KAZN: variants seen among roughly 807,000 people sequenced by gnomAD.
KAZN encodes the protein kazrin.
Under a neutral mutation model 87.4 loss-of-function variants are expected in KAZN, and 40 were observed. That is an observed-to-expected ratio of 0.46 (90% confidence interval 0.36 to 0.60). KAZN has a LOEUF of 0.60. KAZN is among the 20% of genes least tolerant of loss of function. The pLI, the probability that KAZN is intolerant of heterozygous loss-of-function variation, is 0.00. For synonymous variants in KAZN, 466 were observed against 458.3 expected (o/e 1.02, Z -0.22); for missense variants, 898 against 1,073.9 (o/e 0.84, Z 2.29).
chr1:14,541,291 A>G (rs552405281), intron 2 of KAZN, among the ~76,000 whole-genome samples: 65 of 152,310 alleles, frequency 4.3e-4, no homozygotes, highest in East Asian at 3.5e-3. Flanking sequence ...TAGATACCCA[A>G]TGTAATTTAT....
chr1:14,739,153 G>T (rs1482978621), intron 1 of KAZN, among the ~76,000 whole-genome samples: 3 of 152,172 alleles, frequency 2.0e-5, no homozygotes, highest in African/African-American at 7.2e-5. Flanking sequence ...ACTCCAGCAT[G>T]GGCAACAGAG....
chr1:14,398,752 G>A (rs925460137), intron 2 of KAZN, among the ~76,000 whole-genome samples: 3 of 152,092 alleles, frequency 2.0e-5, no homozygotes, highest in Non-Finnish European at 2.9e-5. Context: ...TCTCCTACAC[G>A]GAACTGATGG....
intron 1 of KAZN, among the ~76,000 whole-genome samples, chr1:13,932,088 C>A (rs969260104): frequency 2.0e-5 from 3 of 149,776 alleles, no homozygotes; most frequent in African/African-American, 7.4e-5. Context: ...AAATTCCTGA[C>A]CTCAAGTGAT....
intron 2 of KAZN, among the ~76,000 whole-genome samples, chr1:14,338,173 G>A (rs192979021): frequency 6.6e-6 from 1 of 152,004 alleles, no homozygotes; most frequent in Non-Finnish European, 1.5e-5. Flanking sequence ...ACCCCCTTCT[G>A]GTTAAGAACA....
At chr1:14,653,706 A>G (rs562632105) in intron 1 of KAZN, among the ~76,000 whole-genome samples, 1 of 152,220 alleles carries the variant, frequency 6.6e-6, no homozygotes, top group Admixed American at 6.5e-5. Context: ...TAATACCAAC[A>G]TGGTGCCTGG....
At chr1:13,986,331 G>T (rs1639015695) in intron 1 of KAZN, among the ~76,000 whole-genome samples, 1 of 152,154 alleles carries the variant, frequency 6.6e-6, no homozygotes, top group African/African-American at 2.4e-5. Context: ...TGATGAGATT[G>T]GGGTAATTAA....
intron 1 of KAZN, among the ~76,000 whole-genome samples, chr1:14,674,465 G>A (rs1640098328): frequency 6.6e-6 from 1 of 152,192 alleles, no homozygotes; most frequent in African/African-American, 2.4e-5. Flanking sequence ...AGTGCTTAGT[G>A]GCTTACACAC....
At chr1:14,534,789 T>A (rs1193738347) in intron 2 of KAZN, among the ~76,000 whole-genome samples, 1 of 152,178 alleles carries the variant, frequency 6.6e-6, no homozygotes, top group African/African-American at 2.4e-5. Flanking sequence ...CCACGGAATC[T>A]TTAGCAAGTC....
At position 15,048,675 on chromosome 1, in the gene KAZN, T is replaced by C. The variant is rs541951120; in HGVS notation, c.726+4516T>C. Among the ~76,000 whole-genome samples the C allele has an allele frequency of 1.4e-4, 20 of 143,848 alleles. No homozygotes were observed. The South Asian group carries it at 4.4e-3, about 32-fold the overall frequency. 94.4% of individuals were successfully genotyped at this position (143,848 alleles called of 152,430 possible). A position where few individuals can be genotyped will look rare whatever the true frequency, so the allele number is the denominator to read the frequency against. ...GTCGTCGGTCCTGGGTCGCTGGTCC[T>C]GGGTCGTTGGTCCTGGGTCGTTGAT... On this transcript the variant is annotated intron_variant, in intron 4 of 14. Transcript: ENST00000376030.
At chr1:14,426,279 G>T (rs116382785) in intron 2 of KAZN, among the ~76,000 whole-genome samples, 1 of 152,066 alleles carries the variant, frequency 6.6e-6, no homozygotes, top group Non-Finnish European at 1.5e-5. Context: ...CTGCAGAAAG[G>T]CCTGCCCTGA....
chr1:14,134,214 T>C (rs1230932347), intron 1 of KAZN, among the ~76,000 whole-genome samples: 1 of 152,196 alleles, frequency 6.6e-6, no homozygotes, highest in African/African-American at 2.4e-5. Flanking sequence ...TAAAGTGATG[T>C]GATGGACATA....
intron 1 of KAZN, among the ~76,000 whole-genome samples, chr1:14,804,987 C>A (rs1031269144): frequency 3.3e-5 from 5 of 152,194 alleles, no homozygotes; most frequent in African/African-American, 1.2e-4. Context: ...ATTTCCTTTT[C>A]ATGTTTGATG....
At chr1:14,812,145 G>A (rs142224590) in intron 1 of KAZN, among the ~76,000 whole-genome samples, 3 of 151,918 alleles carry the variant, frequency 2.0e-5, no homozygotes, top group African/African-American at 4.8e-5. Flanking sequence ...GAATATTGAG[G>A]TAGCATTGCT....
intron 2 of KAZN, among the ~76,000 whole-genome samples, chr1:14,422,567 A>C (rs1665494026): frequency 6.6e-6 from 1 of 152,248 alleles, no homozygotes; most frequent in African/African-American, 2.4e-5. Flanking sequence ...GGAAACAAAA[A>C]GAAAAGTCTC....
At chr1:15,050,409 C>G (rs1020084629) in intron 4 of KAZN, among the ~76,000 whole-genome samples, 1 of 152,104 alleles carries the variant, frequency 6.6e-6, no homozygotes, top group Non-Finnish European at 1.5e-5. Flanking sequence ...TATTTGACCT[C>G]GCACATGTCA....
At chr1:14,459,454 C>T (rs190086766) in intron 2 of KAZN, among the ~76,000 whole-genome samples, 46 of 151,728 alleles carry the variant, frequency 3.0e-4, no homozygotes, top group Admixed American at 1.4e-3. Context: ...ATCAGATTAA[C>T]GTGGGGTAGA....
intron 1 of KAZN, among the ~76,000 whole-genome samples, chr1:14,958,242 G>T (rs761292515): frequency 4.8e-4 from 73 of 152,304 alleles, no homozygotes; most frequent in Middle Eastern, 3.4e-3. Flanking sequence ...AAAGGGCAGT[G>T]CATTACCAAT....
At chr1:14,270,108 G>A (rs1651802809) in intron 2 of KAZN, among the ~76,000 whole-genome samples, 1 of 152,134 alleles carries the variant, frequency 6.6e-6, no homozygotes. Flanking sequence ...CTACCACACT[G>A]GGGGTCAGAT....
At chr1:15,047,053 G>A (rs1242142879) in intron 4 of KAZN, among the ~76,000 whole-genome samples, 1 of 152,222 alleles carries the variant, frequency 6.6e-6, no homozygotes, top group Non-Finnish European at 1.5e-5. Flanking sequence ...AGAAAACTCA[G>A]CTTCTGGCCT....
Sources: allele counts gnomAD v4.1 joint callset (sites outside exome capture counted in the v4.1 genomes callset), GRCh38; gene constraint gnomAD v4.1.1; transcripts MANE v1.5; gene names NCBI Gene and HGNC (gene_info 2026-07-23, HGNC 2026-07-21).